Variants in LLGL1 observed in about 807,000 individuals in gnomAD.
LLGL1 encodes lethal(2) giant larvae protein homolog 1.
Under a neutral mutation model 110.6 loss-of-function variants are expected in LLGL1, and 58 were observed. The ratio of observed to expected loss-of-function variants is 0.52; its 90% CI spans 0.42 to 0.65. The LOEUF (loss-of-function observed/expected upper bound fraction) is 0.65, where lower values mean the gene tolerates loss of function less well. LLGL1 is among the 30% of genes least tolerant of loss of function. LLGL1 has a pLI of 0.00. For synonymous variants in LLGL1, 674 were observed against 607.2 expected (o/e 1.11, Z -1.62); for missense variants, 1,229 against 1,462.1 (o/e 0.84, Z 2.60).
Position 18,234,037 on chromosome 17 carries a change from G to C in LLGL1, c.576G>C (p.Gly192=), listed in dbSNP as rs1224205579. 1 of 1,595,410 alleles carries C rather than the reference G, an allele frequency of 6.3e-7. No homozygotes were observed. Residue 192 remains glycine, a synonymous_variant, in exon 6 of 23, where the codon GGG becomes GGC. Transcript: ENST00000316843. ...LRSVPDDYRC[G]KALGPVESLQ... ...GCGTGCCAGACGACTACCGCTGTGG[G>C]AAGGCACTGGGCCCCGTGGAGTCAC...
intron 4 of LLGL1, among the ~76,000 whole-genome samples, chr17:18,233,068 T>C (rs2047603551): frequency 1.3e-5 from 2 of 152,224 alleles, no homozygotes; most frequent in Admixed American, 1.3e-4. Flanking sequence ...ATGCATTATA[T>C]GCCAAACTTC....
intron 20 of LLGL1, 86 bp downstream of exon 20, chr17:18,242,364 G>A: frequency 6.5e-7 from 1 of 1,541,712 alleles, no homozygotes; most frequent in Non-Finnish European, 8.9e-7. Context: ...CAGGGATCGG[G>A]CAGGCTTCTG....
At position 18,237,782 on chromosome 17, in the gene LLGL1, G is replaced by A. The variant is rs1209820270; in HGVS notation, c.1904+9G>A. On this transcript the variant is annotated intron_variant, in intron 14 of 22. Transcript: ENST00000316843. ...AGCCCTGTGCTGGCCAGGTGTGTGG[G>A]GTGGGGCCGGCTGGGCAGTTGGAGC... The A allele has an allele frequency of 6.3e-7, 1 of 1,592,528 alleles. No homozygotes were observed. The highest frequency in any genetic ancestry group is 8.6e-7 in the Non-Finnish European group (1 of 1,166,370).
intron 20 of LLGL1, 101 bp from the exon 21 acceptor site, chr17:18,242,407 C>T: frequency 6.4e-7 from 1 of 1,563,742 alleles, no homozygotes; most frequent in Non-Finnish European, 8.7e-7. Context: ...TCACTGGTGC[C>T]ACCCCTCACC....
rs374728959 is a variant in LLGL1, at chr17:18,241,662, G to A, written c.2714G>A (p.Arg905Gln). The A allele has an allele frequency of 1.5e-5, 25 of 1,613,570 alleles. No individual in the cohort carries two copies. The African/African-American group carries it at 1.7e-4, about 11-fold the overall frequency. Residue 905 changes from arginine (R) to glutamine (Q), a missense_variant, in exon 18 of 23, where the codon CGG becomes CAG. Arg to Gln is a conservative substitution (Grantham distance 43). Coordinates refer to ENST00000316843, the MANE Select transcript of LLGL1 (RefSeq NM_004140.4). ...CCCCAGGTGCACTATTCCTGCATCC[G>A]GAAGGAGGACATCAGCGGCATCGCT... ...LRPQVHYSCIRKEDISGIASC... is the reference protein window; with the variant it reads ...LRPQVHYSCIQKEDISGIASC...
At chr17:18,230,139 G>C in intron 2 of LLGL1, 101 bp downstream of exon 2, 7 of 858,192 alleles carry the variant, frequency 8.2e-6, no homozygotes, top group Non-Finnish European at 1.3e-5. Flanking sequence ...AGCTCGAGAG[G>C]AGGACAGAGG....
Position 18,236,861 on chromosome 17 carries a change from C to T in LLGL1, c.1533C>T (p.Asp511=), listed in dbSNP as rs202012728. 40 of 1,613,896 alleles carry T rather than the reference C, an allele frequency of 2.5e-5. No individual in the cohort carries two copies. The highest frequency in any genetic ancestry group is 2.8e-5 in the Non-Finnish European group (33 of 1,179,976). Residue 511 remains aspartate (D), a synonymous_variant, in exon 13 of 23, where the codon GAC becomes GAT. Transcript: ENST00000316843. ...RKVGCFDPYS[D]DPRLGVQKVA... ...TGGGCTGCTTCGATCCCTACAGTGA[C>T]GATCCCCGGCTTGGCGTGCAGAAGG...
intron 1 of LLGL1, among the ~76,000 whole-genome samples, chr17:18,226,977 C>G (rs978730775): frequency 4.6e-5 from 7 of 152,226 alleles, no homozygotes; most frequent in Admixed American, 3.3e-4. Context: ...GTGAGCTGCA[C>G]CAATATCTTT....
In LLGL1 at chr17:18,225,769, G is replaced by T; in HGVS notation, c.81+6G>T. The T allele has an allele frequency of 3.0e-6, 3 of 1,016,942 alleles. No homozygotes were observed. Among genetic ancestry groups the T allele is most frequent in the South Asian group, 3.6e-5 (1 of 27,718 alleles). The allele number at this position is 1,016,942 out of a possible 1,614,324, so 63.0% of individuals were successfully genotyped here. ...AGCTTTTCGCCTTCAACAAGGTGCG[G>T]CGGCGGCCCGGGCCCGGGCTCGGGC... On this transcript the variant is annotated splice_donor_region_variant and intron_variant, in intron 1 of 22. Transcript: ENST00000316843.
chr17:18,242,230 C>T lies in LLGL1; in HGVS notation c.2947C>T (p.Pro983Ser), dbSNP rs773311507. The stretch of plus-strand genomic sequence containing the variant: ...CGGGACCCCAAGCATCCTGCTGGCC[C>T]CACAGAGCCTTGATGGAAGCCCTGA... ...ANGTPSILLAPQSLDGSPDPA... is the reference protein window; with the variant it reads ...ANGTPSILLASQSLDGSPDPA... Residue 983 changes from proline (P) to serine (S), a missense_variant, in exon 20 of 23, where the codon CCA becomes TCA. Coordinates refer to ENST00000316843, the MANE Select transcript of LLGL1 (RefSeq NM_004140.4). The T allele has an allele frequency of 1.9e-6, 3 of 1,614,110 alleles. No individual in the cohort carries two copies. The highest frequency in any genetic ancestry group is 2.2e-5 in the South Asian group (2 of 91,082).
rs1406553043 is a variant in LLGL1, at chr17:18,242,246, G to C, written c.2963G>C (p.Gly988Ala). 1 of 1,614,078 alleles carries C rather than the reference G, an allele frequency of 6.2e-7. No individual in the cohort carries two copies. Among genetic ancestry groups the C allele is most frequent in the Non-Finnish European group, 8.5e-7 (1 of 1,179,996 alleles). Residue 988 changes from glycine to alanine, a missense_variant, in exon 20 of 23, where the codon GGA becomes GCA. Physicochemically the swap from Gly to Ala is moderately conservative, Grantham distance 60. Transcript: ENST00000316843. ...SILLAPQSLD[G>A]SPDPAHSMGP... ...CTGCTGGCCCCACAGAGCCTTGATG[G>C]AAGCCCTGATCCAGCCCACAGCATG... is the stretch of plus-strand genomic sequence containing the variant.
chr17:18,241,600 G>C lies in LLGL1; in HGVS notation c.2652G>C (p.Leu884=). ...CCTGCCTGGCCTGCCTCACCAACCTGGGTGACGTCCACGTCTTCTCGGTGC... is the reference window on the plus strand; with the variant it reads ...CCTGCCTGGCCTGCCTCACCAACCTCGGTGACGTCCACGTCTTCTCGGTGC... ...AETCLACLTN[L]GDVHVFSVPG... The change falls in exon 18 of 23, where the codon CTG becomes CTC. Residue 884 remains leucine (L), a synonymous_variant. Coordinates refer to ENST00000316843, the MANE Select transcript of LLGL1 (RefSeq NM_004140.4). The C allele has an allele frequency of 6.2e-7, 1 of 1,613,782 alleles. No homozygotes were observed. Among genetic ancestry groups the C allele is most frequent in the South Asian group, 1.1e-5 (1 of 91,084 alleles).
intron 22 of LLGL1, 47 bp downstream of exon 22, chr17:18,242,869 C>T (rs1347928857): frequency 6.1e-6 from 9 of 1,482,536 alleles, no homozygotes; most frequent in Non-Finnish European, 8.1e-6. Flanking sequence ...TGACGTCCAC[C>T]CCCTTCAGCC....
At chr17:18,232,399 C>T (rs190640799) in intron 2 of LLGL1, 96 bp from the exon 3 acceptor site, 1 of 1,115,902 alleles carries the variant, frequency 9.0e-7, no homozygotes, top group African/African-American at 1.6e-5. Context: ...TGCCGGGGCC[C>T]ACTGGAATAG....
rs1437745760 is a variant in LLGL1 at position 18,244,835 on chromosome 17, A to G, written c.*929A>G. The G allele has an allele frequency of 2.6e-6, 1 of 385,982 alleles. No individual in the cohort carries two copies. The highest frequency in any genetic ancestry group is 4.6e-6 in the Non-Finnish European group (1 of 218,472). 23.9% of individuals were successfully genotyped at this position (385,982 alleles called of 1,614,324 possible). A position where few individuals can be genotyped will look rare whatever the true frequency, so the allele number is the denominator to read the frequency against. On this transcript the variant is annotated 3_prime_UTR_variant, in exon 23 of 23. Transcript: ENST00000316843. ...CGCCATTTTAATATTAAAAATACTG[A>G]TTTTTAATATTGAAAATAAAAGCAT...
chr17:18,232,820 TG>T lies in LLGL1; in HGVS notation c.392+22del. The T allele has an allele frequency of 6.2e-7, 1 of 1,613,518 alleles. No homozygotes were observed. Among genetic ancestry groups the T allele is most frequent in the Non-Finnish European group, 8.5e-7 (1 of 1,179,940 alleles). ...GGTGCCAGGTACTGGAGAACTTGGC[TG>T]GGGCCAGCCACCGGGCAGGGAGGAT... On this transcript the variant is annotated intron_variant, in intron 4 of 22. Coordinates refer to ENST00000316843, the MANE Select transcript of LLGL1 (RefSeq NM_004140.4).
Position 18,234,373 on chromosome 17 carries a change from C to G in LLGL1, c.815C>G (p.Pro272Arg), listed in dbSNP as rs1189647686. 6.2e-7 allele frequency: 1 copy of G among 1,612,074 alleles called. No homozygotes were observed. Among genetic ancestry groups the G allele is most frequent in the Non-Finnish European group, 8.5e-7 (1 of 1,179,800 alleles). The change falls in exon 7 of 23, where the codon CCA becomes CGA. Residue 272 changes from proline (P) to arginine (R), a missense_variant. Physicochemically the swap from Pro to Arg is moderately radical, Grantham distance 103 (BLOSUM62 -2). Transcript: ENST00000316843. ...AVWSVDAGSF[P>R]TLQPTVATTP... ...TGGTCTGTGGATGCCGGCAGCTTCC[C>G]AACGCTGCAGCCCACGGTAGCCACC...
intron 4 of LLGL1, among the ~76,000 whole-genome samples, chr17:18,233,144 C>T (rs1164977311): frequency 1.3e-5 from 2 of 152,160 alleles, no homozygotes; most frequent in Non-Finnish European, 2.9e-5. Context: ...TGGGGCAGGG[C>T]CTAAGCCAGT....
At position 18,242,152 on chromosome 17, in the gene LLGL1, C is replaced by T. The variant is rs1268935860; in HGVS notation, c.2883-14C>T. On this transcript the variant is annotated splice_polypyrimidine_tract_variant and intron_variant, in intron 19 of 22. Transcript: ENST00000316843. ...CATCCACCTATGGTCCCCATCATGG[C>T]CCCATCTCTGCAGTTACAGGATCCG... The T allele has an allele frequency of 1.9e-6, 3 of 1,603,346 alleles. No homozygotes were observed. The highest frequency in any genetic ancestry group is 2.2e-5 in the East Asian group (1 of 44,806).
Sources: allele counts gnomAD v4.1 joint callset (sites outside exome capture counted in the v4.1 genomes callset), GRCh38; gene constraint gnomAD v4.1.1; transcripts MANE v1.5; gene names NCBI Gene and HGNC (gene_info 2026-07-23, HGNC 2026-07-21).